The following LRRTM3 variants were observed in gnomAD, a reference collection of about 807,000 sequenced individuals.
The protein encoded by LRRTM3 is leucine rich repeat transmembrane neuronal 3.
LRRTM3 carries 24 observed loss-of-function variants against 44.7 expected under a neutral mutation model. The observed-to-expected ratio is 0.54, with a 90% confidence interval of 0.39 to 0.76. LRRTM3 has a LOEUF of 0.76. Ranked by LOEUF, LRRTM3 falls within the 30% of genes least tolerant of loss-of-function variation. The probability of loss-of-function intolerance (pLI) is 0.00; values close to 1 mark genes in which losing one functional copy is unlikely to be tolerated. For missense variants in LRRTM3, 587 were observed against 702.2 expected (o/e 0.84, Z 1.85); for synonymous variants, 277 against 278.7 (o/e 0.99, Z 0.06).
chr10:67,083,298 A>G (rs186322668), intron 2 of LRRTM3, among the ~76,000 whole-genome samples: 227 of 152,302 alleles, frequency 1.5e-3, no homozygotes, highest in African/African-American at 5.2e-3. Flanking sequence ...CATTTAATAC[A>G]CTATGAAGAC....
At chr10:66,962,199 A>T (rs1268225559) in intron 2 of LRRTM3, among the ~76,000 whole-genome samples, 2 of 152,146 alleles carry the variant, frequency 1.3e-5, no homozygotes, top group Non-Finnish European at 2.9e-5. Context: ...TGAAAGGCAA[A>T]GTAATTACAA....
chr10:67,015,865 A>AT (rs947704306), intron 2 of LRRTM3, among the ~76,000 whole-genome samples: 1 of 151,682 alleles, frequency 6.6e-6, no homozygotes. Flanking sequence ...ATTTTGTCAG[A>AT]TTTTTTTCCA....
intron 2 of LRRTM3, among the ~76,000 whole-genome samples, chr10:67,028,518 G>T (rs4347275): frequency 0.31 from 47,427 of 151,596 alleles, 8,617 homozygotes; most frequent in East Asian, 0.53. Context: ...AAGACTTTAG[G>T]CAAATAGTCA....
At chr10:67,030,399 C>T (rs1461816277) in intron 2 of LRRTM3, among the ~76,000 whole-genome samples, 1 of 152,038 alleles carries the variant, frequency 6.6e-6, no homozygotes, top group African/African-American at 2.4e-5. Context: ...TTAAATAGCT[C>T]ACCAGTTAAA....
At chr10:67,010,551 T>TG (rs1182167450) in intron 2 of LRRTM3, among the ~76,000 whole-genome samples, 1 of 151,830 alleles carries the variant, frequency 6.6e-6, no homozygotes, top group African/African-American at 2.4e-5. Context: ...AGAAGAAGAG[T>TG]GGGGGGAGCA....
At position 66,966,884 on chromosome 10, in the gene LRRTM3, TC is replaced by T. The variant is rs1331029903; in HGVS notation, c.1536+38435del. 2.6e-5 allele frequency among the ~76,000 whole-genome samples: 4 copies of T among 152,094 alleles called. No homozygotes were observed. In the East Asian group the frequency reaches 7.7e-4, roughly 29 times the overall value. On this transcript the variant is annotated intron_variant, in intron 2 of 2. Transcript: ENST00000361320. ...TATTTAAGACATGTTTAGTAGCTTT[TC>T]CCATACTTTCCTGAATTCATTCCCT...
intron 2 of LRRTM3, among the ~76,000 whole-genome samples, chr10:67,042,840 T>C (rs1352360757): frequency 1.3e-5 from 2 of 152,114 alleles, no homozygotes; most frequent in Non-Finnish European, 2.9e-5. Context: ...TTAGTTCCAA[T>C]GGAAATGTGA....
At chr10:66,928,532 G>A (rs1847201625) in intron 2 of LRRTM3, 80 bp downstream of exon 2, 4 of 1,310,948 alleles carry the variant, frequency 3.1e-6, no homozygotes, top group South Asian at 1.5e-5. Context: ...GACTATCAAG[G>A]GAACGCGATG....
chr10:66,978,538 A>ATAAATAAAATAAAAATAAAAAAAAT (rs1564808459), intron 2 of LRRTM3, among the ~76,000 whole-genome samples: 2 of 89,108 alleles, frequency 2.2e-5, no homozygotes, highest in Non-Finnish European at 4.7e-5. Flanking sequence ...AAAAAAAAAA[A>ATAAATAAAATAAAAATAAAAAAAAT]AAAAAAAAAA....
intron 2 of LRRTM3, among the ~76,000 whole-genome samples, chr10:66,974,803 TG>T (rs1849936298): frequency 6.6e-6 from 1 of 152,010 alleles, no homozygotes; most frequent in Admixed American, 6.6e-5. Context: ...ACCAACCATT[TG>T]TTTTTTTTTT....
intron 2 of LRRTM3, among the ~76,000 whole-genome samples, chr10:67,038,123 T>C (rs1854177985): frequency 6.6e-6 from 1 of 152,176 alleles, no homozygotes; most frequent in East Asian, 1.9e-4. Flanking sequence ...ATGAGTATTG[T>C]AGAGCAAGCA....
intron 2 of LRRTM3, among the ~76,000 whole-genome samples, chr10:66,946,277 T>C (rs1251654520): frequency 3.9e-5 from 6 of 152,118 alleles, no homozygotes; most frequent in South Asian, 2.1e-4. Context: ...TCTTTGGAAA[T>C]AGTGATCACA....
At chr10:67,070,460 T>C (rs1228173533) in intron 2 of LRRTM3, among the ~76,000 whole-genome samples, 4 of 152,132 alleles carry the variant, frequency 2.6e-5, no homozygotes, top group Non-Finnish European at 5.9e-5. Flanking sequence ...GATTAAGAAA[T>C]CCTTGTGGCG....
At chr10:67,036,941 G>A (rs1778047612) in intron 2 of LRRTM3, among the ~76,000 whole-genome samples, 1 of 152,146 alleles carries the variant, frequency 6.6e-6, no homozygotes, top group African/African-American at 2.4e-5. Flanking sequence ...TAAATAGGAG[G>A]AAATGATACT....
intron 2 of LRRTM3, among the ~76,000 whole-genome samples, chr10:66,945,185 C>T (rs945413531): frequency 3.3e-5 from 5 of 152,172 alleles, no homozygotes; most frequent in Non-Finnish European, 2.9e-5. Context: ...CATCTTTTTC[C>T]ACTAGAAGAT....
At chr10:66,979,506 C>G (rs1850288362) in intron 2 of LRRTM3, among the ~76,000 whole-genome samples, 1 of 152,048 alleles carries the variant, frequency 6.6e-6, no homozygotes, top group South Asian at 2.1e-4. Context: ...AATTTCGGCC[C>G]AGGGTGCAGA....
At chr10:66,978,553 A>ATATATG (rs1263516780) in intron 2 of LRRTM3, among the ~76,000 whole-genome samples, 13 of 15,310 alleles carry the variant, frequency 8.5e-4, no homozygotes, top group African/African-American at 2.0e-3. Context: ...AAAAAAAAAA[A>ATATATG]TATATATATA....
chr10:67,025,694 A>C (rs1005598436), intron 2 of LRRTM3, among the ~76,000 whole-genome samples: 1 of 152,188 alleles, frequency 6.6e-6, no homozygotes, highest in Non-Finnish European at 1.5e-5. Context: ...ACACAACAAC[A>C]ACAAGTATTG....
At chr10:67,059,492 AAT>A (rs1353796443) in intron 2 of LRRTM3, among the ~76,000 whole-genome samples, 1 of 152,236 alleles carries the variant, frequency 6.6e-6, no homozygotes, top group Non-Finnish European at 1.5e-5. Flanking sequence ...GGTCGAAGGT[AAT>A]ATGAAATTTA....
Sources: allele counts gnomAD v4.1 joint callset (sites outside exome capture counted in the v4.1 genomes callset), GRCh38; gene constraint gnomAD v4.1.1; transcripts MANE v1.5; gene names NCBI Gene and HGNC (gene_info 2026-07-23, HGNC 2026-07-21).